Variants in PTPRD observed in about 807,000 individuals in gnomAD.
The protein encoded by PTPRD is receptor-type tyrosine-protein phosphatase delta.
Under a neutral mutation model 214.5 loss-of-function variants are expected in PTPRD, and 34 were observed. The observed-to-expected ratio is 0.16, with a 90% confidence interval of 0.12 to 0.21. The LOEUF is 0.21. Ranked by LOEUF, PTPRD falls within the 10% of genes least tolerant of loss-of-function variation. The pLI, the probability that PTPRD is intolerant of heterozygous loss-of-function variation, is 1.00. For synonymous variants in PTPRD, 1,128 were observed against 845.7 expected (o/e 1.33, Z -5.79); for missense variants, 2,545 against 2,398.7 (o/e 1.06, Z -1.27).
At chr9:10,217,798 G>A (rs1414310979) in intron 3 of PTPRD, among the ~76,000 whole-genome samples, 1 of 151,892 alleles carries the variant, frequency 6.6e-6, no homozygotes, top group African/African-American at 2.4e-5. Context: ...CATTTAGGAA[G>A]GAGATGCAAG....
rs185504418 is a variant in PTPRD at position 10,209,554 on chromosome 9, T to A, written c.-545+131409A>T. ...CGCATAGAACTGGATTCCAGTAACA[T>A]TGACAGTTGATCCTTAGTCCCTAAG... On this transcript the variant is annotated intron_variant, in intron 3 of 45. Coordinates refer to ENST00000381196, the MANE Select transcript of PTPRD (RefSeq NM_002839.4). Among the ~76,000 whole-genome samples the A allele has an allele frequency of 2.0e-4, 31 of 152,208 alleles. 1 individual carries two copies. The Middle Eastern group carries it at 0.01, about 50-fold the overall frequency.
intron 10 of PTPRD, among the ~76,000 whole-genome samples, chr9:9,129,513 C>T (rs1257162363): frequency 6.6e-6 from 1 of 152,128 alleles, no homozygotes; most frequent in Non-Finnish European, 1.5e-5. Flanking sequence ...CTAATAGAAC[C>T]ATAGGAAGTC....
intron 5 of PTPRD, among the ~76,000 whole-genome samples, chr9:9,866,618 A>T (rs556721170): frequency 1.3e-5 from 2 of 152,274 alleles, no homozygotes; most frequent in South Asian, 4.1e-4. Context: ...TGAAAAGTAG[A>T]AGGAGAATAT....
intron 35 of PTPRD, among the ~76,000 whole-genome samples, chr9:8,435,503 A>G (rs1447547457): frequency 6.6e-6 from 1 of 152,132 alleles, no homozygotes; most frequent in Non-Finnish European, 1.5e-5. Context: ...GTACCCAATA[A>G]CCTTTTATTA....
At chr9:8,348,427 C>G (rs761810428) in intron 39 of PTPRD, among the ~76,000 whole-genome samples, 1 of 152,030 alleles carries the variant, frequency 6.6e-6, no homozygotes, top group Non-Finnish European at 1.5e-5. Context: ...TGACCAACAA[C>G]TTGGTTTTGT....
rs114136459 is a variant in PTPRD, at chr9:8,743,652, G to A, written c.-103-9706C>T. ...ATGACCCAAAACCGTAACAATTCTA[G>A]AAGATAACATCAGAAAAACCCTTCT... On this transcript the variant is annotated intron_variant, in intron 11 of 45. Transcript: ENST00000381196. Among the ~76,000 whole-genome samples, 1,357 of 152,074 alleles carry A rather than the reference G, an allele frequency of 8.9e-3. 23 individuals are homozygous for A. The highest frequency in any genetic ancestry group is 0.031 in the African/African-American group (1,274 of 41,490).
chr9:10,470,149 G>T (rs2099021001), intron 2 of PTPRD, among the ~76,000 whole-genome samples: 1 of 152,018 alleles, frequency 6.6e-6, no homozygotes, highest in African/African-American at 2.4e-5. Flanking sequence ...AATGACAAAT[G>T]TTTGAGGTAA....
chr9:10,083,809 G>A (rs1020171929), intron 3 of PTPRD, among the ~76,000 whole-genome samples: 9 of 151,948 alleles, frequency 5.9e-5, no homozygotes, highest in Non-Finnish European at 1.2e-4. Context: ...GTTTACAATA[G>A]AGTTCATGCT....
At chr9:9,413,315 C>T (rs1005871915) in intron 8 of PTPRD, among the ~76,000 whole-genome samples, 13 of 149,798 alleles carry the variant, frequency 8.7e-5, no homozygotes, top group African/African-American at 3.2e-4. Context: ...GGGGTTTCAC[C>T]TTGTTAGCCA....
intron 2 of PTPRD, among the ~76,000 whole-genome samples, chr9:10,367,150 G>C (rs1435859593): frequency 6.6e-6 from 1 of 151,036 alleles, no homozygotes. Flanking sequence ...ACAATGTAGA[G>C]TAGCTATTCC....
intron 5 of PTPRD, among the ~76,000 whole-genome samples, chr9:9,840,677 C>T (rs1238465734): frequency 2.1e-5 from 3 of 141,754 alleles, no homozygotes; most frequent in Non-Finnish European, 3.0e-5. Context: ...GCAGGAGAAT[C>T]GCTTGAACAC....
intron 39 of PTPRD, among the ~76,000 whole-genome samples, chr9:8,347,083 T>C (rs2074040394): frequency 1.3e-5 from 2 of 150,530 alleles, no homozygotes; most frequent in African/African-American, 4.9e-5. Flanking sequence ...TCATATCCCC[T>C]GCGGATAGAG....
intron 8 of PTPRD, among the ~76,000 whole-genome samples, chr9:9,419,320 A>AATAGG (rs2077985485): frequency 6.6e-6 from 1 of 151,794 alleles, no homozygotes; most frequent in Non-Finnish European, 1.5e-5. Context: ...GCTATTTCTA[A>AATAGG]ACAACAAAAT....
intron 11 of PTPRD, among the ~76,000 whole-genome samples, chr9:8,915,332 A>G (rs2098777212): frequency 6.6e-6 from 1 of 152,190 alleles, no homozygotes; most frequent in African/African-American, 2.4e-5. Flanking sequence ...CAACACTAAT[A>G]TAAGTAAAAG....
intron 35 of PTPRD, among the ~76,000 whole-genome samples, chr9:8,408,713 G>C (rs2093262177): frequency 6.6e-6 from 1 of 152,114 alleles, no homozygotes; most frequent in Non-Finnish European, 1.5e-5. Context: ...GTTTTACCAA[G>C]ATGCCGCACC....
chr9:9,441,491 G>A (rs1178448573), intron 8 of PTPRD, among the ~76,000 whole-genome samples: 2 of 152,138 alleles, frequency 1.3e-5, no homozygotes, highest in Non-Finnish European at 1.5e-5. Flanking sequence ...AGAGTGCTGA[G>A]GCTTCAAAAG....
intron 3 of PTPRD, among the ~76,000 whole-genome samples, chr9:10,060,304 G>C (rs138514641): frequency 1.1e-4 from 17 of 152,162 alleles, no homozygotes; most frequent in African/African-American, 3.8e-4. Context: ...GGAAAGAAAA[G>C]AATGGGGAGA....
intron 3 of PTPRD, among the ~76,000 whole-genome samples, chr9:10,307,262 C>T (rs964968712): frequency 6.6e-6 from 1 of 152,062 alleles, no homozygotes. Flanking sequence ...CGGGATGTAA[C>T]TATCATGCTA....
intron 3 of PTPRD, among the ~76,000 whole-genome samples, chr9:10,184,150 T>C (rs1007600015): frequency 6.6e-6 from 1 of 152,086 alleles, no homozygotes; most frequent in African/African-American, 2.4e-5. Context: ...TTAGGCCGGG[T>C]GCAGTGGGTC....
Sources: gnomAD v4.1 joint callset for allele counts (sites outside exome capture counted in the v4.1 genomes callset) on GRCh38, gnomAD v4.1.1 for gene constraint, MANE v1.5 for transcripts, NCBI Gene and HGNC (gene_info 2026-07-23, HGNC 2026-07-21) for gene names.